Variants in FBXW7 observed in about 807,000 individuals in gnomAD.
FBXW7 encodes F-box and WD repeat domain containing 7.
A neutral mutation model predicts 86.3 loss-of-function variants in FBXW7; 11 were observed. The observed-to-expected ratio is 0.13, with a 90% CI of 0.08 to 0.21. The LOEUF is 0.21. Among genes scored for constraint, FBXW7 ranks in the 10% least tolerant of loss-of-function variants. FBXW7 has a pLI of 1.00. For missense variants in FBXW7, 488 were observed against 847.4 expected (o/e 0.58, Z 5.27); for synonymous variants, 313 against 297.9 (o/e 1.05, Z -0.52).
In FBXW7 at chr4:152,328,951, A is replaced by G. The variant is rs538484037; in HGVS notation, c.1237-562T>C. 2.6e-5 allele frequency: 4 copies of G among 152,172 alleles called. No individual in the cohort carries two copies. In the East Asian group the frequency reaches 5.8e-4, roughly 22 times the overall value. 9.4% of individuals were successfully genotyped at this position (152,172 alleles called of 1,614,324 possible). Reference sequence around the variant, plus strand: ...AAAAAATTTTAACATCTGACTTGGAATATTTATAAGATACTTGCCAAGAAG... The same window carrying G: ...AAAAAATTTTAACATCTGACTTGGAGTATTTATAAGATACTTGCCAAGAAG... On this transcript the variant is annotated intron_variant, in intron 10 of 13. Transcript: ENST00000281708.
At chr4:152,421,385 T>A (rs910199531) in intron 2 of FBXW7, among the ~76,000 whole-genome samples, 8 of 152,114 alleles carry the variant, frequency 5.3e-5, no homozygotes, top group Non-Finnish European at 1.2e-4. Flanking sequence ...TTCACCAGAG[T>A]AGCACTTTTA....
At chr4:152,482,283 A>G (rs1425515202) in intron 2 of FBXW7, among the ~76,000 whole-genome samples, 1 of 152,234 alleles carries the variant, frequency 6.6e-6, no homozygotes, top group Non-Finnish European at 1.5e-5. Flanking sequence ...TACATTTTTT[A>G]AACATGTTAT....
At chr4:152,490,820 C>T (rs1283289601) in intron 2 of FBXW7, among the ~76,000 whole-genome samples, 2 of 152,026 alleles carry the variant, frequency 1.3e-5, no homozygotes, top group South Asian at 2.1e-4. Context: ...TACTTATGAG[C>T]TCACACCTTC....
chr4:152,334,284 T>C (rs1729859684), intron 7 of FBXW7, among the ~76,000 whole-genome samples: 1 of 152,166 alleles, frequency 6.6e-6, no homozygotes, highest in Non-Finnish European at 1.5e-5. Flanking sequence ...TATTCAACAA[T>C]ACTCACACAT....
chr4:152,447,081 A>G lies in FBXW7; in HGVS notation c.-119-34552T>C, dbSNP rs17028905. On this transcript the variant is annotated intron_variant, in intron 2 of 13. Transcript: ENST00000281708. ...GGAAATGTGCAGACTAGCACAGATA[A>G]TATTTTCAACTTTCTAGAAACACTA... 7.8e-3 allele frequency among the ~76,000 whole-genome samples: 1,194 copies of G among 152,336 alleles called. 23 individuals are homozygous for G. Among genetic ancestry groups the G allele is most frequent in the African/African-American group, 0.027 (1,122 of 41,572 alleles).
chr4:152,530,117 G>A (rs1028540364), intron 2 of FBXW7, among the ~76,000 whole-genome samples: 48 of 145,774 alleles, frequency 3.3e-4, no homozygotes, highest in African/African-American at 1.1e-3. Context: ...ATATATATAC[G>A]TGTACATATA....
chr4:152,525,549 G>A (rs1037319447), intron 2 of FBXW7, among the ~76,000 whole-genome samples: 1 of 152,098 alleles, frequency 6.6e-6, no homozygotes, highest in Non-Finnish European at 1.5e-5. Flanking sequence ...GAGAACACGC[G>A]GTACTTGGTT....
At chr4:152,390,486 C>T (rs1300212652) in intron 4 of FBXW7, among the ~76,000 whole-genome samples, 1 of 152,026 alleles carries the variant, frequency 6.6e-6, no homozygotes, top group Non-Finnish European at 1.5e-5. Flanking sequence ...ATTATAGTTA[C>T]ACCTTTAAGT....
chr4:152,466,193 T>C (rs1160652039), intron 2 of FBXW7, among the ~76,000 whole-genome samples: 1 of 152,104 alleles, frequency 6.6e-6, no homozygotes, highest in African/African-American at 2.4e-5. Flanking sequence ...ATACATGAAA[T>C]ACACCTTCAA....
chr4:152,367,390 T>C (rs1054878004), intron 4 of FBXW7, among the ~76,000 whole-genome samples: 2 of 152,132 alleles, frequency 1.3e-5, no homozygotes, highest in Admixed American at 1.3e-4. Context: ...ATACTACATA[T>C]GTTACACAAA....
chr4:152,336,993 T>C (rs1322117815), intron 7 of FBXW7, among the ~76,000 whole-genome samples: 1 of 152,158 alleles, frequency 6.6e-6, no homozygotes, highest in South Asian at 2.1e-4. Flanking sequence ...GGCATATACA[T>C]ATTACTTATG....
chr4:152,466,791 AATT>A (rs947510746), intron 2 of FBXW7, among the ~76,000 whole-genome samples: 1 of 151,514 alleles, frequency 6.6e-6, no homozygotes, highest in African/African-American at 2.4e-5. Flanking sequence ...AAATACAAAA[AATT>A]AGCCAGGCGC....
rs961357834 is a variant in FBXW7, at chr4:152,502,321, A to G, written c.-120+32620T>C. 8.5e-5 allele frequency among the ~76,000 whole-genome samples: 13 copies of G among 152,176 alleles called. 1 individual carries two copies. Among genetic ancestry groups the G allele is most frequent in the African/African-American group, 2.2e-4 (9 of 41,446 alleles). On this transcript the variant is annotated intron_variant, in intron 2 of 13. Transcript: ENST00000281708. ...TACTACATTTCACTGTGACCACTGT[A>G]CTGCATATTATACTCCACATCTCAG...
intron 2 of FBXW7, among the ~76,000 whole-genome samples, chr4:152,502,330 T>C (rs1396316626): frequency 6.6e-6 from 1 of 152,188 alleles, no homozygotes; most frequent in Non-Finnish European, 1.5e-5. Context: ...TACTGCATAT[T>C]ATACTCCACA....
chr4:152,518,351 A>G (rs953460505), intron 2 of FBXW7, among the ~76,000 whole-genome samples: 3 of 152,148 alleles, frequency 2.0e-5, no homozygotes, highest in Non-Finnish European at 2.9e-5. Context: ...GCTAAAGTAT[A>G]GTGGCAGGAT....
rs2126883553 is a variant in FBXW7 at position 152,411,833 on chromosome 4, C to A, written c.-30G>T. Reference sequence around the variant, plus strand: ...AAAAGCCAGCTTGCTACTTCTTGGACCTTGGCTAGACTATCAGAAGATGCA... The same window carrying A: ...AAAAGCCAGCTTGCTACTTCTTGGAACTTGGCTAGACTATCAGAAGATGCA... On this transcript the variant is annotated 5_prime_UTR_variant, in exon 4 of 14. Transcript: ENST00000281708. The A allele has an allele frequency of 6.4e-7, 1 of 1,569,888 alleles. No individual in the cohort carries two copies. The highest frequency in any genetic ancestry group is 1.2e-5 in the South Asian group (1 of 85,996).
intron 2 of FBXW7, among the ~76,000 whole-genome samples, chr4:152,441,057 T>C (rs1186908185): frequency 6.6e-6 from 1 of 152,144 alleles, no homozygotes; most frequent in Non-Finnish European, 1.5e-5. Context: ...ATTTCCACTG[T>C]GATAAACAGA....
intron 2 of FBXW7, among the ~76,000 whole-genome samples, chr4:152,432,907 A>G (rs891434024): frequency 5.3e-5 from 8 of 152,224 alleles, no homozygotes; most frequent in Admixed American, 1.3e-4. Flanking sequence ...GCACATTTAG[A>G]TAACTACTGT....
At chr4:152,460,418 G>A (rs1382717835) in intron 2 of FBXW7, among the ~76,000 whole-genome samples, 1 of 152,172 alleles carries the variant, frequency 6.6e-6, no homozygotes, top group Admixed American at 6.5e-5. Flanking sequence ...GTATTTACTA[G>A]TTTTGATGTT....
Sources: allele counts gnomAD v4.1 joint callset (sites outside exome capture counted in the v4.1 genomes callset), GRCh38; gene constraint gnomAD v4.1.1; transcripts MANE v1.5; gene names NCBI Gene and HGNC (gene_info 2026-07-23, HGNC 2026-07-21).